The following FAM13A variants were observed in gnomAD, a reference collection of about 807,000 sequenced individuals.
FAM13A encodes the protein protein FAM13A.
A neutral mutation model predicts 129.6 loss-of-function variants in FAM13A; 76 were observed. The observed-to-expected ratio is 0.59, with a 90% confidence interval of 0.49 to 0.71. The LOEUF (loss-of-function observed/expected upper bound fraction) is 0.71. Ranked by LOEUF, FAM13A falls within the 30% of genes least tolerant of loss-of-function variation. The probability of loss-of-function intolerance (pLI) is 0.00; values close to 1 mark genes in which losing one functional copy is unlikely to be tolerated. For synonymous variants in FAM13A, 443 were observed against 449.9 expected, an observed-to-expected ratio of 0.98 and a Z score of 0.20; for missense variants, 1,108 against 1,249.3, an observed-to-expected ratio of 0.89 and a Z score of 1.70.
At chr4:88,943,360 A>G (rs1755103563) in intron 4 of FAM13A, among the ~76,000 whole-genome samples, 1 of 152,200 alleles carries the variant, frequency 6.6e-6, no homozygotes, top group Admixed American at 6.5e-5. Flanking sequence ...TTTGAGTTCC[A>G]ATTGTATGGA....
At chr4:88,823,018 T>C in intron 7 of FAM13A, 2 of 1,613,634 alleles carry the variant, frequency 1.2e-6, no homozygotes, top group Non-Finnish European at 1.7e-6. Flanking sequence ...CGTATGTAAA[T>C]TTGCAAGGGA....
intron 1 of FAM13A, among the ~76,000 whole-genome samples, chr4:89,039,020 C>T (rs1769761274): frequency 1.3e-5 from 2 of 152,156 alleles, no homozygotes; most frequent in South Asian, 4.1e-4. Context: ...TCATCATGTG[C>T]TCCTGATGTG....
At chr4:88,853,079 T>C (rs1268383467) in intron 6 of FAM13A, among the ~76,000 whole-genome samples, 2 of 152,186 alleles carry the variant, frequency 1.3e-5, no homozygotes, top group Non-Finnish European at 2.9e-5. Context: ...CCAAATCTGG[T>C]GACTGACAAT....
intron 2 of FAM13A, among the ~76,000 whole-genome samples, chr4:89,027,838 A>G (rs896225999): frequency 6.6e-5 from 10 of 152,122 alleles, no homozygotes; most frequent in Admixed American, 5.9e-4. Flanking sequence ...GGACAAGGGG[A>G]GGATTCAGGT....
At chr4:88,813,123 G>A (rs1159529464) in intron 7 of FAM13A, among the ~76,000 whole-genome samples, 1 of 152,150 alleles carries the variant, frequency 6.6e-6, no homozygotes, top group African/African-American at 2.4e-5. Context: ...GTGGTATACA[G>A]AGAACCCAGA....
intron 20 of FAM13A, 40 bp from the exon 21 acceptor site, chr4:88,737,595 C>G (rs1739258288): frequency 6.6e-7 from 1 of 1,513,440 alleles, no homozygotes; most frequent in African/African-American, 1.4e-5. Context: ...TTCCGAACCC[C>G]TTTCCCTTTC....
chr4:88,855,669 T>C (rs1738356792), intron 6 of FAM13A: 1 of 150,384 alleles, frequency 6.6e-6, no homozygotes, highest in Admixed American at 6.6e-5. Flanking sequence ...TATTTTAAGA[T>C]GGTCTAATCT....
At chr4:89,052,248 C>T (rs899029434) in intron 1 of FAM13A, among the ~76,000 whole-genome samples, 17 of 114,490 alleles carry the variant, frequency 1.5e-4, no homozygotes, top group South Asian at 5.9e-4. Context: ...TTCTGGGCAG[C>T]GCTTTCTTTT....
rs145966068 is a variant in FAM13A, at chr4:88,974,139, C to A, written c.605+16834G>T. 1.4e-4 allele frequency among the ~76,000 whole-genome samples: 21 copies of A among 152,308 alleles called. No individual in the cohort carries two copies. In the East Asian group the frequency reaches 3.7e-3, roughly 27 times the overall value. On this transcript the variant is annotated intron_variant, in intron 4 of 23. Coordinates refer to ENST00000264344, the MANE Select transcript of FAM13A (RefSeq NM_014883.4). ...TCGGGTAGAGTTTCAGGAGGCAAAA[C>A]TCCCAAAATTATGGAGTTCTCCAGA...
At chr4:88,948,690 T>C (rs938591523) in intron 4 of FAM13A, among the ~76,000 whole-genome samples, 6 of 152,062 alleles carry the variant, frequency 3.9e-5, no homozygotes, top group African/African-American at 1.2e-4. Flanking sequence ...GGTTTCACCA[T>C]GTTGGCCAGG....
intron 11 of FAM13A, among the ~76,000 whole-genome samples, chr4:88,769,405 T>A (rs1352491519): frequency 6.6e-6 from 1 of 152,176 alleles, no homozygotes; most frequent in East Asian, 1.9e-4. Flanking sequence ...AATACTTGGG[T>A]TAGAATTCCA....
chr4:88,778,387 T>C (rs1578611044), intron 11 of FAM13A, among the ~76,000 whole-genome samples: 2 of 152,214 alleles, frequency 1.3e-5, no homozygotes, highest in African/African-American at 2.4e-5. Flanking sequence ...ATACCCCACA[T>C]TGAATCTGTC....
chr4:88,734,772 A>C lies in FAM13A; in HGVS notation c.2647-2574T>G, dbSNP rs1338909163. 2.6e-5 allele frequency among the ~76,000 whole-genome samples: 4 copies of C among 152,220 alleles called. No individual in the cohort carries two copies. The East Asian group carries it at 7.7e-4, about 29-fold the overall frequency. On this transcript the variant is annotated intron_variant, in intron 21 of 23. Coordinates refer to ENST00000264344, the MANE Select transcript of FAM13A (RefSeq NM_014883.4). ...CACAAAGCACAGGGCAGTGCTGCAC[A>C]ACAGTTACCCAGCCCCAAAGGTCAG...
intron 5 of FAM13A, among the ~76,000 whole-genome samples, chr4:88,912,334 GC>G (rs1277650800): frequency 6.6e-6 from 1 of 150,720 alleles, no homozygotes; most frequent in Non-Finnish European, 1.5e-5. Flanking sequence ...TAGAGCTGGG[GC>G]ACCCATCTTC....
At position 88,749,791 on chromosome 4, in the gene FAM13A, C is replaced by T. The variant is rs995293230; in HGVS notation, c.2059G>A (p.Glu687Lys). 22 of 1,614,106 alleles carry T rather than the reference C, an allele frequency of 1.4e-5. No individual in the cohort carries two copies. Among genetic ancestry groups the T allele is most frequent in the Non-Finnish European group, 1.8e-5 (21 of 1,179,998 alleles). ...KKIRKFEDRF[E>K]EEKKYRPSHS... ...CTTACTCTGTACTTCTTCTCTTCTT[C>T]GAATCTATCTTCAAACTTCCGGATC... Residue 687 changes from glutamate (E) to lysine (K), a missense_variant, in exon 16 of 24, where the codon GAA (glutamate) becomes AAA (lysine). By Grantham distance (56) the Glu-to-Lys change is moderately conservative. Coordinates refer to ENST00000264344, the MANE Select transcript of FAM13A (RefSeq NM_014883.4).
At chr4:88,757,651 A>C (rs1372677958) in intron 14 of FAM13A, among the ~76,000 whole-genome samples, 1 of 152,196 alleles carries the variant, frequency 6.6e-6, no homozygotes, top group African/African-American at 2.4e-5. Flanking sequence ...AATTATATAA[A>C]AATAACTAGA....
At chr4:88,978,931 AAAAT>A (rs1333731104) in intron 4 of FAM13A, among the ~76,000 whole-genome samples, 3 of 152,266 alleles carry the variant, frequency 2.0e-5, no homozygotes, top group African/African-American at 7.2e-5. Flanking sequence ...TCAAGTTTCA[AAAAT>A]AAATCATAAG....
intron 6 of FAM13A, chr4:88,855,801 A>G (rs1738386715): frequency 6.6e-6 from 1 of 152,192 alleles, no homozygotes; most frequent in Non-Finnish European, 1.5e-5. Flanking sequence ...TCATGCCTCA[A>G]TCTTAATTTT....
At chr4:88,903,929 A>G (rs1162948036) in intron 6 of FAM13A, among the ~76,000 whole-genome samples, 2 of 151,990 alleles carry the variant, frequency 1.3e-5, no homozygotes, top group Non-Finnish European at 2.9e-5. Context: ...CATTTATAAG[A>G]AAAAAAATCC....
Sources: gnomAD v4.1 joint callset for allele counts (sites outside exome capture counted in the v4.1 genomes callset) on GRCh38, gnomAD v4.1.1 for gene constraint, MANE v1.5 for transcripts, NCBI Gene and HGNC (gene_info 2026-07-23, HGNC 2026-07-21) for gene names.